Variants in FRAS1 observed in about 807,000 individuals in gnomAD.
FRAS1 encodes extracellular matrix organizing protein FRAS1.
A neutral mutation model predicts 435.2 loss-of-function variants in FRAS1; 290 were observed. The ratio of observed to expected loss-of-function variants is 0.67; its 90% CI spans 0.61 to 0.73. FRAS1 has a LOEUF of 0.73. Among genes scored for constraint, FRAS1 ranks in the 30% least tolerant of loss-of-function variants. The probability of loss-of-function intolerance (pLI) is 0.00; values close to 1 mark genes in which losing one functional copy is unlikely to be tolerated. For synonymous variants in FRAS1, 1,800 were observed against 1,851.0 expected (o/e 0.97, Z 0.71); for missense variants, 4,860 against 5,001.5 (o/e 0.97, Z 0.85).
chr4:78,316,657 C>T (rs1729267758), intron 16 of FRAS1, among the ~76,000 whole-genome samples: 1 of 152,082 alleles, frequency 6.6e-6, no homozygotes, highest in South Asian at 2.1e-4. Context: ...TCAGAGATGT[C>T]CCCATTAACA....
At chr4:78,249,323 C>CTTTTTTT (rs11308579) in intron 4 of FRAS1, among the ~76,000 whole-genome samples, 16 of 47,202 alleles carry the variant, frequency 3.4e-4, no homozygotes, top group Non-Finnish European at 4.6e-4. Context: ...GCAGTGGAGC[C>CTTTTTTT]TTTTTTTTTT....
intron 2 of FRAS1, among the ~76,000 whole-genome samples, chr4:78,171,268 C>CA (rs368840349): frequency 1.7e-4 from 26 of 152,232 alleles, no homozygotes; most frequent in Middle Eastern, 3.4e-3. Flanking sequence ...CTGTCCCTCT[C>CA]AGGGTGGTTC....
intron 2 of FRAS1, among the ~76,000 whole-genome samples, chr4:78,131,468 A>C (rs1402098937): frequency 6.6e-6 from 1 of 152,176 alleles, no homozygotes; most frequent in Non-Finnish European, 1.5e-5. Flanking sequence ...CAAGTGAGGA[A>C]TGTGTTTGCT....
intron 32 of FRAS1, among the ~76,000 whole-genome samples, chr4:78,414,354 G>C (rs964330320): frequency 5.9e-5 from 9 of 152,322 alleles, no homozygotes; most frequent in East Asian, 3.9e-4. Flanking sequence ...TGTTTCCTGT[G>C]CTGTCACTGT....
intron 2 of FRAS1, among the ~76,000 whole-genome samples, chr4:78,139,324 AT>A (rs59415578): frequency 0.16 from 24,458 of 152,082 alleles, 2,135 homozygotes; most frequent in Admixed American, 0.2. Flanking sequence ...TTAGCAGACT[AT>A]TGATTGAGCA....
At chr4:78,181,765 C>T in intron 2 of FRAS1, 5 of 1,610,392 alleles carry the variant, frequency 3.1e-6, no homozygotes, top group African/African-American at 1.3e-5. Context: ...GCGGCTGCGT[C>T]TCCTCTTTCT....
chr4:78,484,302 T>G (rs1165313836), intron 58 of FRAS1, among the ~76,000 whole-genome samples: 1 of 152,196 alleles, frequency 6.6e-6, no homozygotes, highest in Non-Finnish European at 1.5e-5. Flanking sequence ...TGAATGACAT[T>G]TGGGTTGTTC....
In FRAS1 at chr4:78,252,841, A is replaced by G. The variant is rs149791551; in HGVS notation, c.469+290A>G. Among the ~76,000 whole-genome samples the G allele has an allele frequency of 5.7e-3, 870 of 152,278 alleles. 8 individuals carry two copies. The highest frequency in any genetic ancestry group is 0.02 in the African/African-American group (820 of 41,554). ...GAACAGGGAGTAGGTCACAAAGACC[A>G]CATGCTTCAAAGGGCAATAAAGATC... is the stretch of plus-strand genomic sequence containing the variant. On this transcript the variant is annotated intron_variant, in intron 5 of 73. Coordinates refer to ENST00000512123, the MANE Select transcript of FRAS1 (RefSeq NM_025074.7).
At chr4:78,186,885 T>G (rs1371645114) in intron 2 of FRAS1, among the ~76,000 whole-genome samples, 1 of 152,260 alleles carries the variant, frequency 6.6e-6, no homozygotes, top group African/African-American at 2.4e-5. Context: ...GTTTTATTTG[T>G]GTATTTTATG....
chr4:78,512,068 G>A (rs17429467), intron 64 of FRAS1, among the ~76,000 whole-genome samples: 21,968 of 152,190 alleles, frequency 0.14, 1,903 homozygotes, highest in Non-Finnish European at 0.21. Flanking sequence ...TGGCATCTAA[G>A]AGGCACTCCT....
At chr4:78,357,960 A>G (rs1578271026) in intron 20 of FRAS1, among the ~76,000 whole-genome samples, 2 of 152,126 alleles carry the variant, frequency 1.3e-5, no homozygotes, top group Admixed American at 1.3e-4. Context: ...TTCTATAAGT[A>G]TAGTGTCTTT....
chr4:78,507,386 G>T, intron 61 of FRAS1, 35 bp from the exon 62 acceptor site: 1 of 1,573,852 alleles, frequency 6.4e-7, no homozygotes, highest in African/African-American at 1.4e-5. Context: ...TCCTAATGAA[G>T]CCTTTGCTCT....
chr4:78,450,551 A>G, intron 45 of FRAS1: 1 of 532,076 alleles, frequency 1.9e-6, no homozygotes. Flanking sequence ...TCATGCTTTG[A>G]CTTAGCATTG....
Position 78,372,873 on chromosome 4 carries a change from G to C in FRAS1, c.3010+15G>C. 6.2e-7 allele frequency: 1 copy of C among 1,610,080 alleles called. No individual in the cohort carries two copies. The highest frequency in any genetic ancestry group is 8.5e-7 in the Non-Finnish European group (1 of 1,178,970). On this transcript the variant is annotated intron_variant, in intron 24 of 73. Transcript: ENST00000512123. ...CCTCTGCAAGAGTAAGTGTGTAGAG[G>C]CCCTGCTCTGTGCTCAGCCATACCT...
intron 32 of FRAS1, among the ~76,000 whole-genome samples, chr4:78,415,702 G>A (rs1253124248): frequency 1.3e-5 from 2 of 152,220 alleles, no homozygotes; most frequent in Non-Finnish European, 2.9e-5. Flanking sequence ...ATGAGAGTCA[G>A]ATCATGGAAG....
At chr4:78,457,599 T>C (rs1719242356) in intron 47 of FRAS1, among the ~76,000 whole-genome samples, 1 of 152,188 alleles carries the variant, frequency 6.6e-6, no homozygotes, top group Non-Finnish European at 1.5e-5. Context: ...CCTCATCAAA[T>C]TGAAAATCCT....
At chr4:78,182,225 T>G (rs1722044847) in intron 2 of FRAS1, among the ~76,000 whole-genome samples, 1 of 152,226 alleles carries the variant, frequency 6.6e-6, no homozygotes, top group African/African-American at 2.4e-5. Context: ...AAGCTCAGGA[T>G]GCCATGAAAG....
chr4:78,543,663 G>A lies in FRAS1; in HGVS notation c.*2539G>A, dbSNP rs1213195495. On this transcript the variant is annotated 3_prime_UTR_variant, in exon 74 of 74. Transcript: ENST00000512123. ...AGTGGATGCACACTTGTTAAATAGT[G>A]TTAAGAGATGTGGAGATGAGATATA... The A allele has an allele frequency of 6.6e-6, 1 of 152,212 alleles. No homozygotes were observed. The highest frequency in any genetic ancestry group is 2.1e-4 in the South Asian group (1 of 4,836). 9.4% of individuals were successfully genotyped at this position (152,212 alleles called of 1,614,324 possible).
intron 2 of FRAS1, among the ~76,000 whole-genome samples, chr4:78,079,475 G>A (rs145341938): frequency 6.4e-4 from 98 of 152,240 alleles, no homozygotes; most frequent in African/African-American, 2.2e-3. Context: ...CTCTTAATGT[G>A]AGTAATGGAA....
Sources: gnomAD v4.1 joint callset for allele counts (sites outside exome capture counted in the v4.1 genomes callset) on GRCh38, gnomAD v4.1.1 for gene constraint, MANE v1.5 for transcripts, NCBI Gene and HGNC (gene_info 2026-07-23, HGNC 2026-07-21) for gene names.